The following ZNF516 variants were observed in gnomAD, a reference collection of about 807,000 sequenced individuals.
ZNF516 encodes the protein zinc finger protein 516.
In ZNF516, 19 loss-of-function variants were observed where a neutral mutation model predicts 79.7. The observed-to-expected ratio is 0.24, with a 90% CI of 0.17 to 0.35. The LOEUF is 0.35. Ranked by LOEUF, ZNF516 falls within the 10% of genes least tolerant of loss-of-function variation. The pLI is 1.00. For missense variants in ZNF516, 1,678 were observed against 1,679.5 expected (o/e 1.00, Z 0.02); for synonymous variants, 877 against 739.5 (o/e 1.19, Z -3.02).
intron 1 of ZNF516, among the ~76,000 whole-genome samples, chr18:76,468,578 A>C (rs1913637048): frequency 6.6e-6 from 1 of 151,804 alleles, no homozygotes. Flanking sequence ...CACCACACTC[A>C]GCTAATTTTT....
chr18:76,392,102 C>A (rs962623981), intron 3 of ZNF516, among the ~76,000 whole-genome samples: 2 of 152,226 alleles, frequency 1.3e-5, no homozygotes, highest in Admixed American at 6.5e-5. Context: ...AGGAAGCCAG[C>A]GCAGACTCGG....
At chr18:76,391,107 G>A (rs931296564) in intron 3 of ZNF516, among the ~76,000 whole-genome samples, 2 of 152,160 alleles carry the variant, frequency 1.3e-5, no homozygotes, top group African/African-American at 4.8e-5. Context: ...GGAGGACAGA[G>A]ATTGCACAAA....
chr18:76,452,449 G>C (rs895229936), intron 2 of ZNF516, among the ~76,000 whole-genome samples: 1 of 152,176 alleles, frequency 6.6e-6, no homozygotes, highest in Non-Finnish European at 1.5e-5. Context: ...GCTTTAGTAC[G>C]CGAACTCTGA....
chr18:76,443,238 C>T, intron 2 of ZNF516, 27 bp from the exon 3 acceptor site: 1 of 910,988 alleles, frequency 1.1e-6, no homozygotes, highest in Non-Finnish European at 1.6e-6. Flanking sequence ...ACATCATCAG[C>T]AAAGCTCCTG....
chr18:76,375,770 G>A (rs1449559513), intron 4 of ZNF516, among the ~76,000 whole-genome samples: 1 of 150,624 alleles, frequency 6.6e-6, no homozygotes, highest in Non-Finnish European at 1.5e-5. Flanking sequence ...CCAGGTAGAG[G>A]ATGGATGGGA....
rs189380372 is a variant in ZNF516 at position 76,362,243 on chromosome 18, G to A, written c.*255C>T. ...ATATGGGACTATGGACGATGAGCACGTAAATGCGTATATAGTATCTACATG... is the reference window on the plus strand; with the variant it reads ...ATATGGGACTATGGACGATGAGCACATAAATGCGTATATAGTATCTACATG... On this transcript the variant is annotated 3_prime_UTR_variant, in exon 7 of 7. Transcript: ENST00000443185. 1.1e-4 allele frequency: 46 copies of A among 431,890 alleles called. No homozygotes were observed. The highest frequency in any genetic ancestry group is 4.7e-4 in the East Asian group (14 of 29,842). 26.8% of individuals were successfully genotyped at this position (431,890 alleles called of 1,614,324 possible).
At chr18:76,365,045 C>A (rs1015717354) in intron 6 of ZNF516, among the ~76,000 whole-genome samples, 4 of 151,902 alleles carry the variant, frequency 2.6e-5, no homozygotes, top group African/African-American at 7.2e-5. Flanking sequence ...GAAAGTGATA[C>A]TGAAAATAGA....
At chr18:76,480,343 G>A (rs1260994469) in intron 1 of ZNF516, among the ~76,000 whole-genome samples, 3 of 151,982 alleles carry the variant, frequency 2.0e-5, no homozygotes, top group South Asian at 2.1e-4. Flanking sequence ...TAGACATAGC[G>A]TGCATGGTAC....
At chr18:76,384,647 T>C in intron 3 of ZNF516, among the ~76,000 whole-genome samples, 1 of 149,842 alleles carries the variant, frequency 6.7e-6, no homozygotes, top group South Asian at 2.2e-4. Context: ...TGGCTTTTGA[T>C]GTTTCGGTGG....
intron 3 of ZNF516, among the ~76,000 whole-genome samples, chr18:76,381,134 T>G (rs894207081): frequency 1.3e-5 from 2 of 152,204 alleles, no homozygotes; most frequent in Non-Finnish European, 2.9e-5. Flanking sequence ...CCTCCCACTT[T>G]ACCCAAGGAA....
At chr18:76,454,622 G>C (rs541829631) in intron 2 of ZNF516, among the ~76,000 whole-genome samples, 43 of 152,322 alleles carry the variant, frequency 2.8e-4, no homozygotes, top group Middle Eastern at 3.4e-3. Context: ...TGTTTACAAA[G>C]AGCAATTCCT....
intron 3 of ZNF516, among the ~76,000 whole-genome samples, chr18:76,441,024 G>A (rs2075810586): frequency 6.6e-6 from 1 of 152,312 alleles, no homozygotes; most frequent in African/African-American, 2.4e-5. Flanking sequence ...AGATTCCTGG[G>A]TGTGGGGGAC....
chr18:76,379,294 G>C lies in ZNF516; in HGVS notation c.2820C>G (p.Gly940=). ...TPTPTVIARA[G]AQPSANSKPV... ...GCTTGCTATTGGCCGAGGGCTGCGC[G>C]CCAGCCCGGGCGATGACGGTGGGCG... The change falls in exon 4 of 7, where the codon GGC becomes GGG. Residue 940 remains glycine (G), a synonymous_variant. Transcript: ENST00000443185. 6.2e-7 allele frequency: 1 copy of C among 1,608,978 alleles called. No homozygotes were observed. The highest frequency in any genetic ancestry group is 1.1e-5 in the South Asian group (1 of 90,824).
At chr18:76,398,678 T>G (rs908084275) in intron 3 of ZNF516, among the ~76,000 whole-genome samples, 4 of 152,174 alleles carry the variant, frequency 2.6e-5, no homozygotes, top group Non-Finnish European at 5.9e-5. Context: ...AGAATACAAT[T>G]AAACCACTTG....
intron 3 of ZNF516, among the ~76,000 whole-genome samples, chr18:76,400,482 T>C (rs2075204039): frequency 6.6e-6 from 1 of 152,158 alleles, no homozygotes; most frequent in Non-Finnish European, 1.5e-5. Context: ...CAAATAAACA[T>C]CCCAGCTTTC....
chr18:76,462,722 C>T (rs1401694972), intron 2 of ZNF516, among the ~76,000 whole-genome samples: 4 of 152,114 alleles, frequency 2.6e-5, no homozygotes, highest in Admixed American at 2.0e-4. Flanking sequence ...AAGGAATGGA[C>T]CCCCCACCCC....
At chr18:76,440,414 A>C (rs544875818) in intron 3 of ZNF516, among the ~76,000 whole-genome samples, 1 of 152,350 alleles carries the variant, frequency 6.6e-6, no homozygotes, top group East Asian at 1.9e-4. Flanking sequence ...CGTTGCAGAG[A>C]AGGGAAAAAC....
At chr18:76,448,534 T>A (rs748875707) in intron 2 of ZNF516, among the ~76,000 whole-genome samples, 1 of 152,166 alleles carries the variant, frequency 6.6e-6, no homozygotes, top group Non-Finnish European at 1.5e-5. Flanking sequence ...AAACAAGCAC[T>A]GCAAAGCCTT....
At chr18:76,389,570 C>T (rs1485697936) in intron 3 of ZNF516, among the ~76,000 whole-genome samples, 2 of 152,098 alleles carry the variant, frequency 1.3e-5, no homozygotes, top group Admixed American at 6.5e-5. Context: ...TTCTAAGTTT[C>T]GTGTACGGAA....
Sources: gnomAD v4.1 joint callset for allele counts (sites outside exome capture counted in the v4.1 genomes callset) on GRCh38, gnomAD v4.1.1 for gene constraint, MANE v1.5 for transcripts, NCBI Gene and HGNC (gene_info 2026-07-23, HGNC 2026-07-21) for gene names.